Variants in UNC5C observed in about 807,000 individuals in gnomAD.
The protein encoded by UNC5C is unc-5 netrin receptor C.
In UNC5C, 47 loss-of-function variants were observed where a neutral mutation model predicts 99.8. The ratio of observed to expected loss-of-function variants is 0.47; its 90% CI spans 0.37 to 0.60. The LOEUF (loss-of-function observed/expected upper bound fraction) is 0.60, where lower values mean the gene tolerates loss of function less well. UNC5C is among the 20% of genes least tolerant of loss of function. The probability of loss-of-function intolerance (pLI) is 0.00; values close to 1 mark genes in which losing one functional copy is unlikely to be tolerated. For synonymous variants in UNC5C, 487 were observed against 452.2 expected (o/e 1.08, Z -0.98); for missense variants, 1,062 against 1,165.9 (o/e 0.91, Z 1.30).
chr4:95,540,595 G>A (rs551421619), intron 1 of UNC5C, among the ~76,000 whole-genome samples: 7 of 152,302 alleles, frequency 4.6e-5, no homozygotes, highest in African/African-American at 1.7e-4. Context: ...CATAATCAAT[G>A]TTTCATTTAG....
At chr4:95,325,074 T>A (rs1229913316) in intron 2 of UNC5C, among the ~76,000 whole-genome samples, 2 of 152,106 alleles carry the variant, frequency 1.3e-5, no homozygotes, top group East Asian at 3.9e-4. Context: ...TTGAAGACAG[T>A]TTAAGAGGAA....
chr4:95,349,552 C>G (rs1743909774), intron 1 of UNC5C, among the ~76,000 whole-genome samples: 1 of 151,208 alleles, frequency 6.6e-6, no homozygotes, highest in Admixed American at 6.6e-5. Flanking sequence ...TCAGTGATTC[C>G]TATTTTTTCT....
chr4:95,209,299 C>G (rs1005785784), intron 10 of UNC5C, among the ~76,000 whole-genome samples: 2 of 152,182 alleles, frequency 1.3e-5, no homozygotes, highest in African/African-American at 2.4e-5. Context: ...ACGCATAAAA[C>G]TGTAGCAGCT....
intron 1 of UNC5C, among the ~76,000 whole-genome samples, chr4:95,462,850 AG>A (rs907845948): frequency 1.3e-5 from 2 of 152,164 alleles, no homozygotes; most frequent in Non-Finnish European, 2.9e-5. Context: ...TAAGGTAGAC[AG>A]GCAGATCACA....
At chr4:95,293,399 C>A (rs1160465578) in intron 3 of UNC5C, among the ~76,000 whole-genome samples, 1 of 141,014 alleles carries the variant, frequency 7.1e-6, no homozygotes, top group Non-Finnish European at 1.5e-5. Flanking sequence ...ACCTCCTGAG[C>A]TCAAGGGATC....
intron 12 of UNC5C, among the ~76,000 whole-genome samples, chr4:95,197,288 A>ATAAG (rs1170644574): frequency 6.6e-6 from 1 of 151,710 alleles, no homozygotes; most frequent in Non-Finnish European, 1.5e-5. Context: ...TTCCCTGAGA[A>ATAAG]TAAGTACTCC....
rs11363815 is a variant in UNC5C, at chr4:95,444,332, C to CTTT, written c.124+104399_124+104401dup. 6.5e-4 allele frequency among the ~76,000 whole-genome samples: 88 copies of CTTT among 136,218 alleles called. 1 individual carries two copies. The highest frequency in any genetic ancestry group is 2.3e-3 in the African/African-American group (85 of 37,518). 89.4% of individuals were successfully genotyped at this position (136,218 alleles called of 152,430 possible). On this transcript the variant is annotated intron_variant, in intron 1 of 15. Coordinates refer to ENST00000453304, the MANE Select transcript of UNC5C (RefSeq NM_003728.4). ...TAAATAGGCAGCTGGAGTGCATTGC[C>CTTT]TTTTTTTTTTTTTTTTGAGACGGAG...
intron 1 of UNC5C, among the ~76,000 whole-genome samples, chr4:95,483,271 G>A (rs1721223478): frequency 6.6e-6 from 1 of 151,690 alleles, no homozygotes; most frequent in South Asian, 2.1e-4. Context: ...CTCCTGTCAA[G>A]TGAACTTAAA....
intron 1 of UNC5C, among the ~76,000 whole-genome samples, chr4:95,393,028 C>T (rs912021826): frequency 6.6e-6 from 1 of 152,124 alleles, no homozygotes; most frequent in African/African-American, 2.4e-5. Context: ...TCTGCAAATG[C>T]ACCCTTTAAC....
At chr4:95,486,550 G>A (rs949173483) in intron 1 of UNC5C, among the ~76,000 whole-genome samples, 1 of 151,458 alleles carries the variant, frequency 6.6e-6, no homozygotes, top group South Asian at 2.1e-4. Flanking sequence ...CACTTAACAC[G>A]CTGATCTCCC....
intron 1 of UNC5C, among the ~76,000 whole-genome samples, chr4:95,416,413 G>A (rs79656772): frequency 6.6e-6 from 1 of 152,100 alleles, no homozygotes; most frequent in Admixed American, 6.6e-5. Flanking sequence ...GGAACAGTAG[G>A]GAGTATCTTG....
chr4:95,453,793 A>T (rs1479162502), intron 1 of UNC5C, among the ~76,000 whole-genome samples: 1 of 152,130 alleles, frequency 6.6e-6, no homozygotes, highest in Non-Finnish European at 1.5e-5. Context: ...GCTTATGGTG[A>T]GACTTTACCA....
intron 1 of UNC5C, among the ~76,000 whole-genome samples, chr4:95,526,996 C>A (rs1341518041): frequency 2.6e-5 from 4 of 151,962 alleles, no homozygotes; most frequent in African/African-American, 4.8e-5. Context: ...TTAATACAGG[C>A]ATAGTATGAT....
At chr4:95,368,349 C>G (rs770875304) in intron 1 of UNC5C, among the ~76,000 whole-genome samples, 1 of 145,918 alleles carries the variant, frequency 6.9e-6, no homozygotes, top group Admixed American at 6.9e-5. Context: ...TATAGGCTTA[C>G]TACTACATTT....
At chr4:95,482,255 A>G (rs1170136245) in intron 1 of UNC5C, among the ~76,000 whole-genome samples, 1 of 151,720 alleles carries the variant, frequency 6.6e-6, no homozygotes. Context: ...GACACATGAA[A>G]AAATGCTCAC....
intron 1 of UNC5C, among the ~76,000 whole-genome samples, chr4:95,514,366 G>A (rs773117614): frequency 1.6e-4 from 25 of 152,098 alleles, no homozygotes; most frequent in Non-Finnish European, 2.6e-4. Flanking sequence ...TTTCAGAGAT[G>A]TGGGTGAACT....
chr4:95,280,320 C>G (rs926375846), intron 3 of UNC5C, among the ~76,000 whole-genome samples: 5 of 152,102 alleles, frequency 3.3e-5, no homozygotes, highest in African/African-American at 1.2e-4. Flanking sequence ...AGACAAGAGA[C>G]CTCCAAATGT....
At chr4:95,401,661 C>T (rs989331076) in intron 1 of UNC5C, among the ~76,000 whole-genome samples, 7 of 152,096 alleles carry the variant, frequency 4.6e-5, no homozygotes, top group Non-Finnish European at 7.4e-5. Context: ...ATATGTTCAG[C>T]GCCTCTTCGT....
intron 3 of UNC5C, among the ~76,000 whole-genome samples, chr4:95,283,929 A>G (rs1007739533): frequency 1.1e-4 from 16 of 152,214 alleles, no homozygotes; most frequent in African/African-American, 3.9e-4. Context: ...TTTCAGAGAG[A>G]TGTTTACTTA....
Sources: gnomAD v4.1 joint callset for allele counts (sites outside exome capture counted in the v4.1 genomes callset) on GRCh38, gnomAD v4.1.1 for gene constraint, MANE v1.5 for transcripts, NCBI Gene and HGNC (gene_info 2026-07-23, HGNC 2026-07-21) for gene names.